Variants in PRKG1 observed in about 807,000 individuals in gnomAD.
The protein encoded by PRKG1 is protein kinase cGMP-dependent 1, also known as cGMP-dependent protein kinase 1.
A neutral mutation model predicts 88.1 loss-of-function variants in PRKG1; 35 were observed. The ratio of observed to expected loss-of-function variants is 0.40; its 90% CI spans 0.30 to 0.53. The LOEUF (loss-of-function observed/expected upper bound fraction) is 0.53, where lower values mean the gene tolerates loss of function less well. PRKG1 is among the 20% of genes least tolerant of loss of function. The pLI is 0.59. For missense variants in PRKG1, 540 were observed against 839.8 expected (o/e 0.64, Z 4.41); for synonymous variants, 303 against 292.5 (o/e 1.04, Z -0.37).
At chr10:51,890,706 G>A (rs138718169) in intron 4 of PRKG1, among the ~76,000 whole-genome samples, 2 of 152,260 alleles carry the variant, frequency 1.3e-5, no homozygotes, top group African/African-American at 4.8e-5. Flanking sequence ...CTGTAATCCT[G>A]TCACTTTGGG....
intron 9 of PRKG1, among the ~76,000 whole-genome samples, chr10:52,193,383 T>A (rs1156521315): frequency 2.1e-5 from 3 of 140,930 alleles, no homozygotes; most frequent in African/African-American, 9.0e-5. Context: ...CCATCTCTAC[T>A]AAAAATACAA....
intron 9 of PRKG1, among the ~76,000 whole-genome samples, chr10:52,210,390 C>A (rs1282257066): frequency 6.6e-6 from 1 of 151,866 alleles, no homozygotes; most frequent in African/African-American, 2.4e-5. Context: ...TCACTGGATT[C>A]TTAATGTAAA....
At chr10:51,390,051 G>A (rs1837357009) in intron 2 of PRKG1, among the ~76,000 whole-genome samples, 2 of 152,200 alleles carry the variant, frequency 1.3e-5, no homozygotes, top group African/African-American at 4.8e-5. Context: ...TGCTTGGTAA[G>A]CAGGAATGTT....
chr10:52,080,667 A>T (rs1318327373), intron 7 of PRKG1, among the ~76,000 whole-genome samples: 2 of 152,114 alleles, frequency 1.3e-5, no homozygotes, highest in Non-Finnish European at 2.9e-5. Context: ...TTTTAATCTT[A>T]AATTGCTATT....
At chr10:51,443,986 G>C (rs986758099) in intron 2 of PRKG1, among the ~76,000 whole-genome samples, 2 of 151,676 alleles carry the variant, frequency 1.3e-5, no homozygotes, top group South Asian at 4.1e-4. Context: ...GACATAATGC[G>C]CTCATTGCCT....
chr10:51,748,888 G>A lies in PRKG1; in HGVS notation c.593-55697G>A, dbSNP rs765952801. ...TCCATTACTCTTTGTGAACATTCTC[G>A]TAAGTTTATAGTTCACTATTTCAGA... On this transcript the variant is annotated intron_variant, in intron 3 of 17. Transcript: ENST00000373980. 2.6e-5 allele frequency among the ~76,000 whole-genome samples: 4 copies of A among 152,080 alleles called. No homozygotes were observed. The East Asian group carries it at 5.8e-4, about 22-fold the overall frequency.
rs575336983 is a variant in PRKG1 at position 51,210,737 on chromosome 10, C to T, written c.478+57407C>T. Among the ~76,000 whole-genome samples the T allele has an allele frequency of 3.3e-5, 5 of 152,314 alleles. No individual in the cohort carries two copies. The East Asian group carries it at 7.7e-4, about 23-fold the overall frequency. ...TAGAAGAAATGGATAAATTCCTCGA[C>T]ACATACAGTCTCCCAAGACTAAACC... On this transcript the variant is annotated intron_variant, in intron 2 of 17. Transcript: ENST00000373980.
At chr10:51,948,175 A>G (rs1051403463) in intron 5 of PRKG1, among the ~76,000 whole-genome samples, 9 of 152,174 alleles carry the variant, frequency 5.9e-5, no homozygotes, top group East Asian at 3.9e-4. Flanking sequence ...CTAGTTCACC[A>G]TGATTCAAAA....
intron 2 of PRKG1, among the ~76,000 whole-genome samples, chr10:51,432,114 G>T (rs892967780): frequency 2.6e-5 from 4 of 152,032 alleles, no homozygotes; most frequent in African/African-American, 9.7e-5. Context: ...GGAGTATGCC[G>T]CAATCAAGGT....
At chr10:52,094,277 G>A (rs887142790) in intron 7 of PRKG1, among the ~76,000 whole-genome samples, 3 of 152,048 alleles carry the variant, frequency 2.0e-5, no homozygotes, top group African/African-American at 7.2e-5. Flanking sequence ...ACTATTACTA[G>A]TTTAGTTCAT....
chr10:52,055,154 A>G (rs566884595), intron 6 of PRKG1, among the ~76,000 whole-genome samples: 75 of 152,280 alleles, frequency 4.9e-4, no homozygotes, highest in African/African-American at 1.7e-3. Flanking sequence ...GAGAAAGTAA[A>G]TACTTAGGTC....
intron 1 of PRKG1, among the ~76,000 whole-genome samples, chr10:51,052,024 T>G (rs984784799): frequency 7.9e-5 from 12 of 152,158 alleles, no homozygotes; most frequent in Middle Eastern, 3.2e-3. Flanking sequence ...AAGGACTTAT[T>G]GAATTATGCT....
chr10:51,276,127 A>G (rs889870606), intron 2 of PRKG1, among the ~76,000 whole-genome samples: 3 of 151,074 alleles, frequency 2.0e-5, no homozygotes, highest in Admixed American at 6.6e-5. Flanking sequence ...CCCCAACCCC[A>G]CGACAGGCCC....
chr10:51,966,010 T>C (rs1333175760), intron 5 of PRKG1, among the ~76,000 whole-genome samples: 1 of 152,204 alleles, frequency 6.6e-6, no homozygotes, highest in Non-Finnish European at 1.5e-5. Context: ...TTCAATTATA[T>C]AGTTATGCAC....
At chr10:51,984,373 G>A (rs942126770) in intron 5 of PRKG1, among the ~76,000 whole-genome samples, 3 of 152,134 alleles carry the variant, frequency 2.0e-5, no homozygotes, top group African/African-American at 7.2e-5. Flanking sequence ...ATTCATTTCC[G>A]ATGATTTTGA....
chr10:52,198,330 T>G (rs1418971355), intron 9 of PRKG1, among the ~76,000 whole-genome samples: 2 of 152,204 alleles, frequency 1.3e-5, no homozygotes, highest in Admixed American at 6.5e-5. Flanking sequence ...CATTGGTGAC[T>G]GATAGACATA....
At chr10:51,574,569 G>C (rs1423511055) in intron 3 of PRKG1, among the ~76,000 whole-genome samples, 1 of 151,886 alleles carries the variant, frequency 6.6e-6, no homozygotes, top group Non-Finnish European at 1.5e-5. Context: ...AGATTCAATT[G>C]CTCTAGAGTT....
intron 3 of PRKG1, among the ~76,000 whole-genome samples, chr10:51,575,237 C>G (rs573176379): frequency 6.6e-6 from 1 of 151,912 alleles, no homozygotes; most frequent in Non-Finnish European, 1.5e-5. Flanking sequence ...TTGTCATCAC[C>G]TTCTCTTCAT....
intron 5 of PRKG1, among the ~76,000 whole-genome samples, chr10:52,019,498 C>T (rs1216370051): frequency 3.9e-5 from 6 of 152,096 alleles, no homozygotes; most frequent in African/African-American, 1.4e-4. Context: ...TTGAAAGTAA[C>T]TTTTCCAAGA....
Sources: allele counts gnomAD v4.1 joint callset (sites outside exome capture counted in the v4.1 genomes callset), GRCh38; gene constraint gnomAD v4.1.1; transcripts MANE v1.5; gene names NCBI Gene and HGNC (gene_info 2026-07-23, HGNC 2026-07-21).